Variants in CHD6 observed in about 807,000 individuals in gnomAD.
The protein encoded by CHD6 is chromodomain helicase DNA binding protein 6, also known as ATP-dependent chromatin remodeler CHD6.
In CHD6, 50 loss-of-function variants were observed where a neutral mutation model predicts 276.9. The ratio of observed to expected loss-of-function variants is 0.18; its 90% CI spans 0.14 to 0.23. The LOEUF (loss-of-function observed/expected upper bound fraction) is 0.23. CHD6 is among the 10% of genes least tolerant of loss of function. The probability of loss-of-function intolerance (pLI) is 1.00; values close to 1 mark genes in which losing one functional copy is unlikely to be tolerated. For synonymous variants in CHD6, 1,173 were observed against 1,229.3 expected (o/e 0.95, Z 0.96); for missense variants, 2,564 against 3,365.8 (o/e 0.76, Z 5.89).
At chr20:41,478,042 C>G (rs1433260372) in intron 16 of CHD6, among the ~76,000 whole-genome samples, 1 of 152,176 alleles carries the variant, frequency 6.6e-6, no homozygotes, top group Non-Finnish European at 1.5e-5. Flanking sequence ...GCTCTAAATA[C>G]AGTCAAGTTT....
chr20:41,420,898 T>C lies in CHD6; in HGVS notation c.5737A>G (p.Lys1913Glu). 1 of 1,614,234 alleles carries C rather than the reference T, an allele frequency of 6.2e-7. No homozygotes were observed. ...EKNQGFQDET[K>E]KGSLEVANQT... ...TTTGCCACCTCTAAGCTTCCTTTCTTGGTTTCATCTTGGAAGCCTTGGTTC... is the reference window on the plus strand; with the variant it reads ...TTTGCCACCTCTAAGCTTCCTTTCTCGGTTTCATCTTGGAAGCCTTGGTTC... Residue 1913 changes from lysine to glutamate, a missense_variant, in exon 31 of 37, where the codon AAG becomes GAG. Physicochemically the swap from Lys to Glu is moderately conservative, Grantham distance 56. Coordinates refer to ENST00000373233, the MANE Select transcript of CHD6 (RefSeq NM_032221.5).
rs536646655 is a variant in CHD6 at position 41,504,034 on chromosome 20, C to A, written c.853-4677G>T. Among the ~76,000 whole-genome samples, 183 of 131,988 alleles carry A rather than the reference C, an allele frequency of 1.4e-3. 2 individuals carry two copies. Among genetic ancestry groups the A allele is most frequent in the Non-Finnish European group, 9.5e-4 (62 of 65,172 alleles). The allele number at this position is 131,988 out of a possible 152,430, so 86.6% of individuals were successfully genotyped here. On this transcript the variant is annotated intron_variant, in intron 5 of 36. Transcript: ENST00000373233. ...CAGAGGTTGCAGTGAGCTGAGATTGCGCCACTGTACTCCAGCTTGGGTGAT... is the reference window on the plus strand; with the variant it reads ...CAGAGGTTGCAGTGAGCTGAGATTGAGCCACTGTACTCCAGCTTGGGTGAT...
At chr20:41,450,249 T>A (rs1279438677) in intron 23 of CHD6, among the ~76,000 whole-genome samples, 3 of 152,140 alleles carry the variant, frequency 2.0e-5, no homozygotes, top group Non-Finnish European at 4.4e-5. Flanking sequence ...TTACCAGAGG[T>A]GTGCGACCGG....
chr20:41,455,229 G>T (rs762136450), intron 19 of CHD6, among the ~76,000 whole-genome samples: 1 of 152,192 alleles, frequency 6.6e-6, no homozygotes, highest in Non-Finnish European at 1.5e-5. Context: ...CCAAACAGGA[G>T]ATTTAATCAA....
chr20:41,533,742 C>T (rs886778435), intron 2 of CHD6, among the ~76,000 whole-genome samples, 172 bp from the exon 3 acceptor site: 1 of 152,134 alleles, frequency 6.6e-6, no homozygotes, highest in Admixed American at 6.5e-5. Context: ...AGGACATACA[C>T]GGCCTTTACA....
intron 16 of CHD6, among the ~76,000 whole-genome samples, chr20:41,477,986 G>C (rs536912341): frequency 6.6e-6 from 1 of 152,322 alleles, no homozygotes; most frequent in South Asian, 2.1e-4. Context: ...AAAAGAGACA[G>C]AGATAGTGGG....
Position 41,547,036 on chromosome 20 carries a change from G to A in CHD6, c.33+4269C>T, listed in dbSNP as rs149602727. ...TTGGTAAGATTTTGAACAAAGAAATGAGGAATATCAAGATCAGAGTGTATT... is the reference window on the plus strand; with the variant it reads ...TTGGTAAGATTTTGAACAAAGAAATAAGGAATATCAAGATCAGAGTGTATT... On this transcript the variant is annotated intron_variant, in intron 2 of 36. Transcript: ENST00000373233. Among the ~76,000 whole-genome samples, 33 of 152,278 alleles carry A rather than the reference G, an allele frequency of 2.2e-4. No homozygotes were observed. In the East Asian group the frequency reaches 5.0e-3, roughly 23 times the overall value.
chr20:41,562,690 C>T (rs772186732), intron 1 of CHD6, among the ~76,000 whole-genome samples: 8 of 151,910 alleles, frequency 5.3e-5, no homozygotes, highest in South Asian at 2.1e-4. Context: ...AAACTCAAGA[C>T]GACATGTCAA....
chr20:41,579,964 C>T (rs547367385), intron 1 of CHD6, among the ~76,000 whole-genome samples: 1 of 152,274 alleles, frequency 6.6e-6, no homozygotes, highest in South Asian at 2.1e-4. Flanking sequence ...TTACAGCAAT[C>T]TCTTCTCCAT....
intron 1 of CHD6, among the ~76,000 whole-genome samples, chr20:41,600,040 A>G (rs1269087323): frequency 2.0e-5 from 3 of 152,160 alleles, no homozygotes; most frequent in Non-Finnish European, 2.9e-5. Flanking sequence ...GCAGAAGTAA[A>G]TGTGCCTTGC....
At chr20:41,553,588 T>C (rs946589462) in intron 1 of CHD6, among the ~76,000 whole-genome samples, 4 of 152,266 alleles carry the variant, frequency 2.6e-5, no homozygotes, top group Non-Finnish European at 4.4e-5. Context: ...GAGGTCTAGC[T>C]CCAGCCAATG....
chr20:41,569,309 C>T (rs1294545604), intron 1 of CHD6, among the ~76,000 whole-genome samples: 5 of 152,138 alleles, frequency 3.3e-5, no homozygotes, highest in Non-Finnish European at 5.9e-5. Flanking sequence ...CCACAAAAAT[C>T]TGTTAACACC....
At chr20:41,463,402 CTTA>C (rs2042846653) in intron 17 of CHD6, among the ~76,000 whole-genome samples, 1 of 152,116 alleles carries the variant, frequency 6.6e-6, no homozygotes, top group Non-Finnish European at 1.5e-5. Flanking sequence ...TCCAAAATTA[CTTA>C]TTATTTTCAA....
In CHD6 at chr20:41,452,737, C is replaced by T; in HGVS notation, c.3323+3G>A. On this transcript the variant is annotated splice_donor_region_variant and intron_variant, in intron 21 of 36. Coordinates refer to ENST00000373233, the MANE Select transcript of CHD6 (RefSeq NM_032221.5). The surrounding 1 kb of genome is among the most constrained non-coding windows in gnomAD (Gnocchi z 4.2). The stretch of plus-strand genomic sequence containing the variant: ...AACAAAACTAAGCAGAGCCAATACC[C>T]ACCCAAAGATGAGCAGGTTCTTCTC... The T allele has an allele frequency of 6.2e-7, 1 of 1,612,450 alleles. No homozygotes were observed.
chr20:41,564,090 G>A (rs1312474096), intron 1 of CHD6: 1 of 778,954 alleles, frequency 1.3e-6, no homozygotes. Flanking sequence ...ATCTCCCTGG[G>A]TCTCAGTTTC....
chr20:41,434,607 T>C (rs1224631366), intron 27 of CHD6, among the ~76,000 whole-genome samples: 1 of 152,186 alleles, frequency 6.6e-6, no homozygotes, highest in African/African-American at 2.4e-5. Flanking sequence ...TGGCCTCCAG[T>C]GATCTGCCTT....
rs115460911 is a variant in CHD6 at position 41,513,185 on chromosome 20, G to A, written c.703-190C>T. Among the ~76,000 whole-genome samples the A allele has an allele frequency of 4.8e-3, 731 of 152,140 alleles. 6 individuals carry two copies. The highest frequency in any genetic ancestry group is 0.017 in the African/African-American group (707 of 41,496). ...TCAAAATGGGATCTAGCTGAGTAGG[G>A]GACAGAACAAAAGCTCAATCTCCAA... On this transcript the variant is annotated intron_variant, in intron 4 of 36. Coordinates refer to ENST00000373233, the MANE Select transcript of CHD6 (RefSeq NM_032221.5).
intron 15 of CHD6, 148 bp from the exon 16 acceptor site, chr20:41,483,667 C>T (rs983757805): frequency 4.8e-6 from 3 of 624,464 alleles, no homozygotes; most frequent in East Asian, 2.8e-5. Flanking sequence ...ACTCTTTGGT[C>T]TGTGCCTTCA....
chr20:41,489,898 G>A lies in CHD6; in HGVS notation c.1560C>T (p.Thr520=). The A allele has an allele frequency of 6.2e-7, 1 of 1,614,052 alleles. No individual in the cohort carries two copies. Among genetic ancestry groups the A allele is most frequent in the Non-Finnish European group, 8.5e-7 (1 of 1,179,966 alleles). Residue 520 remains threonine (T), a synonymous_variant, in exon 12 of 37, where the codon ACC becomes ACT. Transcript: ENST00000373233. ...GPFLIIAPLS[T]ITNWEREFRT... The stretch of plus-strand genomic sequence containing the variant: ...GGAACTCCCGCTCCCAGTTAGTGAT[G>A]GTGGAGAGAGGGGCGATAATGAGAA...
Sources: allele counts gnomAD v4.1 joint callset (sites outside exome capture counted in the v4.1 genomes callset), GRCh38; gene constraint gnomAD v4.1.1; non-coding constraint Gnocchi (gnomAD v3.1); transcripts MANE v1.5; gene names NCBI Gene and HGNC (gene_info 2026-07-23, HGNC 2026-07-21).